CCSER1: variants seen among roughly 807,000 people sequenced by gnomAD.
CCSER1 encodes the protein serine-rich coiled-coil domain-containing protein 1.
Under a neutral mutation model 82.0 loss-of-function variants are expected in CCSER1, and 41 were observed. The observed-to-expected ratio is 0.50, with a 90% CI of 0.39 to 0.65. The LOEUF is 0.65. CCSER1 is among the 30% of genes least tolerant of loss of function. CCSER1 has a pLI of 0.00. For missense variants in CCSER1, 1,119 were observed against 1,064.2 expected (o/e 1.05, Z -0.72); for synonymous variants, 414 against 383.9 (o/e 1.08, Z -0.92).
intron 3 of CCSER1, among the ~76,000 whole-genome samples, chr4:90,395,149 C>T (rs552633960): frequency 9.8e-5 from 15 of 152,328 alleles, no homozygotes; most frequent in African/African-American, 3.6e-4. Flanking sequence ...TTTAAGATTT[C>T]CACACCCATG....
chr4:91,301,795 T>C (rs910615396), intron 10 of CCSER1, among the ~76,000 whole-genome samples: 1 of 151,784 alleles, frequency 6.6e-6, no homozygotes. Context: ...AAATAGAAAG[T>C]AAATTAAGCC....
intron 4 of CCSER1, among the ~76,000 whole-genome samples, chr4:90,459,859 G>A (rs777907205): frequency 7.2e-5 from 11 of 152,032 alleles, no homozygotes; most frequent in South Asian, 2.1e-4. Flanking sequence ...TTGAAGTGAA[G>A]GACACTTTTT....
At chr4:90,627,195 T>C (rs1723451958) in intron 5 of CCSER1, among the ~76,000 whole-genome samples, 1 of 152,192 alleles carries the variant, frequency 6.6e-6, no homozygotes, top group South Asian at 2.1e-4. Context: ...AGTAAACAGT[T>C]GAATATTATT....
At chr4:91,406,950 T>C (rs1752740738) in intron 10 of CCSER1, among the ~76,000 whole-genome samples, 2 of 152,186 alleles carry the variant, frequency 1.3e-5, no homozygotes. Context: ...ATGTGTTTTA[T>C]TTTAAACTCA....
At chr4:91,127,343 A>G (rs1011813940) in intron 10 of CCSER1, among the ~76,000 whole-genome samples, 12 of 152,098 alleles carry the variant, frequency 7.9e-5, no homozygotes, top group African/African-American at 2.9e-4. Flanking sequence ...TTCTACTTCA[A>G]AACAGGTTCC....
intron 3 of CCSER1, among the ~76,000 whole-genome samples, chr4:90,339,402 T>G (rs1198615373): frequency 6.6e-6 from 1 of 152,152 alleles, no homozygotes; most frequent in Admixed American, 6.6e-5. Flanking sequence ...AATTGATCCT[T>G]TTAATATCTA....
chr4:90,661,718 C>G (rs1456803705), intron 6 of CCSER1, among the ~76,000 whole-genome samples: 1 of 151,886 alleles, frequency 6.6e-6, no homozygotes, highest in Non-Finnish European at 1.5e-5. Flanking sequence ...AAATCGTATG[C>G]TATTGGTCTT....
intron 10 of CCSER1, among the ~76,000 whole-genome samples, chr4:91,496,210 T>C (rs1758796972): frequency 6.6e-6 from 1 of 151,332 alleles, no homozygotes; most frequent in South Asian, 2.1e-4. Context: ...TGAAACAAAA[T>C]ACAGTAAAAA....
chr4:90,874,964 T>A (rs1189409337), intron 8 of CCSER1, among the ~76,000 whole-genome samples: 1 of 152,110 alleles, frequency 6.6e-6, no homozygotes, highest in Non-Finnish European at 1.5e-5. Context: ...GAGAATCACT[T>A]GAATCTGGGA....
intron 4 of CCSER1, among the ~76,000 whole-genome samples, chr4:90,438,774 T>TTCTATCTATCTA (rs10617236): frequency 0.021 from 3,134 of 150,324 alleles, 44 homozygotes; most frequent in East Asian, 0.051. Flanking sequence ...TTTTGATATC[T>TTCTATCTATCTA]TCTATCTATC....
chr4:91,152,653 G>T (rs1034544123), intron 10 of CCSER1, among the ~76,000 whole-genome samples: 2 of 152,112 alleles, frequency 1.3e-5, no homozygotes, highest in Admixed American at 1.3e-4. Context: ...GCAGTGGCTG[G>T]TACCAGTTGT....
Position 91,448,409 on chromosome 4 carries a change from A to G in CCSER1, c.2218-150163A>G, listed in dbSNP as rs534373332. Among the ~76,000 whole-genome samples, 3 of 152,240 alleles carry G rather than the reference A, an allele frequency of 2.0e-5. 1 individual carries two copies. The South Asian group carries it at 6.2e-4, about 32-fold the overall frequency. On this transcript the variant is annotated intron_variant, in intron 10 of 10. Transcript: ENST00000509176. ...CAATAAACCATTTAATTACTTAAAT[A>G]ATAGTTCAAATTGCTTAAAACATAT...
chr4:90,399,536 A>G (rs1217415652), intron 3 of CCSER1, among the ~76,000 whole-genome samples: 1 of 152,136 alleles, frequency 6.6e-6, no homozygotes, highest in Non-Finnish European at 1.5e-5. Flanking sequence ...TGTTAGAAGA[A>G]TGTTACCTAC....
intron 10 of CCSER1, among the ~76,000 whole-genome samples, chr4:91,487,581 GATT>G (rs1337219764): frequency 6.6e-6 from 1 of 152,040 alleles, no homozygotes; most frequent in Non-Finnish European, 1.5e-5. Context: ...ATTTTATTTA[GATT>G]ATTATGTTTC....
chr4:90,552,614 C>T (rs1241813084), intron 5 of CCSER1, among the ~76,000 whole-genome samples: 4 of 151,976 alleles, frequency 2.6e-5, no homozygotes, highest in Non-Finnish European at 4.4e-5. Context: ...TAACACTACA[C>T]CTGGCTAATT....
intron 10 of CCSER1, among the ~76,000 whole-genome samples, chr4:91,447,301 C>A (rs1327368743): frequency 6.6e-6 from 1 of 152,058 alleles, no homozygotes; most frequent in Non-Finnish European, 1.5e-5. Context: ...CCCTTTTCTT[C>A]TGTCAATGAC....
At chr4:91,197,745 C>G (rs894687892) in intron 10 of CCSER1, among the ~76,000 whole-genome samples, 1 of 152,156 alleles carries the variant, frequency 6.6e-6, no homozygotes, top group African/African-American at 2.4e-5. Context: ...ACTCTAACCC[C>G]TAGATTGGGC....
At chr4:90,621,251 G>A (rs1216090980) in intron 5 of CCSER1, among the ~76,000 whole-genome samples, 1 of 152,098 alleles carries the variant, frequency 6.6e-6, no homozygotes, top group Non-Finnish European at 1.5e-5. Context: ...TTTTTTGCCA[G>A]GGAGGAAATG....
intron 10 of CCSER1, among the ~76,000 whole-genome samples, chr4:91,372,313 C>T (rs1750103056): frequency 6.6e-6 from 1 of 152,084 alleles, no homozygotes; most frequent in Non-Finnish European, 1.5e-5. Context: ...TTTAACCATA[C>T]ATAGGATAAT....
Sources: gnomAD v4.1 joint callset for allele counts (sites outside exome capture counted in the v4.1 genomes callset) on GRCh38, gnomAD v4.1.1 for gene constraint, MANE v1.5 for transcripts, NCBI Gene and HGNC (gene_info 2026-07-23, HGNC 2026-07-21) for gene names.